The following C16orf96 variants were observed in gnomAD, a reference collection of about 807,000 sequenced individuals.
The protein encoded by C16orf96 is uncharacterized protein C16orf96.
C16orf96 carries 108 observed loss-of-function variants against 103.6 expected under a neutral mutation model. The observed-to-expected ratio is 1.04, with a 90% CI of 0.89 to 1.22. C16orf96 has a LOEUF of 1.22. C16orf96 is among the 50% of genes most tolerant of loss of function. The pLI is 0.00. For missense variants in C16orf96, 1,586 were observed against 1,464.2 expected (o/e 1.08, Z -1.36); for synonymous variants, 566 against 593.5 (o/e 0.95, Z 0.67).
chr16:4,598,356 A>G (rs1897216686), intron 14 of C16orf96, among the ~76,000 whole-genome samples: 1 of 74,772 alleles, frequency 1.3e-5, no homozygotes, highest in South Asian at 5.6e-4. Context: ...GTCTCAAACA[A>G]AAAAGAAAGA....
intron 7 of C16orf96, 25 bp downstream of exon 7, chr16:4,580,150 G>A (rs753090799): frequency 6.8e-7 from 1 of 1,462,512 alleles, no homozygotes; most frequent in South Asian, 1.4e-5. Context: ...GTAGGCTGGA[G>A]AAGGGCTGGC....
At chr16:4,597,225 G>T (rs1329056238) in intron 14 of C16orf96, among the ~76,000 whole-genome samples, 1 of 152,150 alleles carries the variant, frequency 6.6e-6, no homozygotes, top group Admixed American at 6.5e-5. Flanking sequence ...TCTGCTGGGA[G>T]GGCTCAGGCT....
chr16:4,571,722 TG>T lies in C16orf96; in HGVS notation c.525+59del, dbSNP rs869175412. The T allele has an allele frequency of 1.7e-5, 23 of 1,363,650 alleles. No individual in the cohort carries two copies. The South Asian group carries it at 3.0e-4, about 18-fold the overall frequency. The allele number at this position is 1,363,650 out of a possible 1,614,324, so 84.5% of individuals were successfully genotyped here. A position where few individuals can be genotyped will look rare whatever the true frequency, so the allele number is the denominator to read the frequency against. On this transcript the variant is annotated intron_variant, in intron 2 of 15. Transcript: ENST00000444310. ...CTGCGTTGCTCAGGCCTCTGGGGGT[TG>T]GAGCAATGAGGAAAATCTAGGAAGC... is the stretch of plus-strand genomic sequence containing the variant.
intron 7 of C16orf96, among the ~76,000 whole-genome samples, chr16:4,583,521 C>T (rs1896842738): frequency 6.6e-6 from 1 of 151,456 alleles, no homozygotes; most frequent in Admixed American, 6.6e-5. Context: ...CTAAAGTAAA[C>T]TAAAATACAG....
At chr16:4,584,748 G>A (rs1896878415) in intron 7 of C16orf96, among the ~76,000 whole-genome samples, 1 of 152,054 alleles carries the variant, frequency 6.6e-6, no homozygotes, top group Non-Finnish European at 1.5e-5. Context: ...TGGCCAGGCT[G>A]GTCTTGAACT....
chr16:4,597,255 G>T (rs555310191), intron 14 of C16orf96, among the ~76,000 whole-genome samples: 41 of 152,166 alleles, frequency 2.7e-4, no homozygotes, highest in Non-Finnish European at 5.9e-4. Flanking sequence ...GGATCACCAG[G>T]CAGGATCACA....
upstream of C16orf96, among the ~76,000 whole-genome samples, chr16:4,556,255 G>T (rs892111953): frequency 6.6e-6 from 1 of 152,104 alleles, no homozygotes; most frequent in Admixed American, 6.6e-5. Context: ...GGGAGCACCT[G>T]CCCCACTCCA....
intron 1 of C16orf96, among the ~76,000 whole-genome samples, chr16:4,566,388 A>G (rs1360200834): frequency 6.6e-6 from 1 of 152,176 alleles, no homozygotes; most frequent in African/African-American, 2.4e-5. Flanking sequence ...TTGAAGTGGT[A>G]TCTCATTGTA....
At chr16:4,552,533 T>C (rs895591779), upstream of C16orf96, among the ~76,000 whole-genome samples, 1 of 151,796 alleles carries the variant, frequency 6.6e-6, no homozygotes, top group African/African-American at 2.4e-5. Flanking sequence ...CATCCCACTA[T>C]TACATGTAGT....
chr16:4,549,448 G>C, the C16orf96 span, among the ~76,000 whole-genome samples: 9 of 149,732 alleles, frequency 6.0e-5, no homozygotes, highest in Non-Finnish European at 8.9e-5. Flanking sequence ...ACTCCAGCCT[G>C]GGCGACAGAG....
upstream of C16orf96, among the ~76,000 whole-genome samples, chr16:4,555,656 C>T (rs1364979599): frequency 6.6e-6 from 1 of 151,680 alleles, no homozygotes; most frequent in Admixed American, 6.6e-5. Flanking sequence ...CATATGTCAG[C>T]CACTGTGCCC....
chr16:4,549,521 G>A, the C16orf96 span, among the ~76,000 whole-genome samples: 1 of 151,184 alleles, frequency 6.6e-6, no homozygotes, highest in South Asian at 2.1e-4. Context: ...TGGGCACAGT[G>A]GCTCACACCC....
upstream of C16orf96, among the ~76,000 whole-genome samples, chr16:4,552,814 G>T (rs144575262): frequency 6.6e-6 from 1 of 152,138 alleles, no homozygotes; most frequent in South Asian, 2.1e-4. Flanking sequence ...TCATATGCTT[G>T]CCAATGCTTG....
chr16:4,561,817 C>T (rs1329173183), intron 1 of C16orf96, among the ~76,000 whole-genome samples: 1 of 152,162 alleles, frequency 6.6e-6, no homozygotes, highest in Non-Finnish European at 1.5e-5. Flanking sequence ...CGGGGGGTCG[C>T]CTGGCAAACA....
intron 3 of C16orf96, 76 bp from the exon 4 acceptor site, chr16:4,574,896 A>G: frequency 1.3e-6 from 2 of 1,527,006 alleles, no homozygotes; most frequent in Non-Finnish European, 8.9e-7. Flanking sequence ...CACAGCCTGG[A>G]AAGGTTTCTT....
chr16:4,596,175 T>G (rs2141766793), intron 14 of C16orf96, among the ~76,000 whole-genome samples: 1 of 152,174 alleles, frequency 6.6e-6, no homozygotes, highest in East Asian at 1.9e-4. Context: ...GTTCCTTCAT[T>G]CCCCGGCCCA....
the C16orf96 span, among the ~76,000 whole-genome samples, chr16:4,549,410 T>G: frequency 6.9e-6 from 1 of 145,834 alleles, no homozygotes; most frequent in Non-Finnish European, 1.5e-5. Flanking sequence ...GAGGCGGAGC[T>G]CGCAGTGAGC....
chr16:4,586,597 G>A (rs1478531390), intron 7 of C16orf96, among the ~76,000 whole-genome samples: 5 of 152,210 alleles, frequency 3.3e-5, no homozygotes, highest in African/African-American at 1.2e-4. Context: ...TTGTGGAGTT[G>A]TGGGGATAGG....
intron 1 of C16orf96, among the ~76,000 whole-genome samples, chr16:4,568,712 T>C (rs1220754469): frequency 1.4e-5 from 2 of 146,418 alleles, no homozygotes; most frequent in Non-Finnish European, 1.5e-5. Flanking sequence ...CACTTCAGCC[T>C]CAACCTCCTG....
Sources: allele counts gnomAD v4.1 joint callset (sites outside exome capture counted in the v4.1 genomes callset), GRCh38; gene constraint gnomAD v4.1.1; transcripts MANE v1.5; gene names NCBI Gene and HGNC (gene_info 2026-07-23, HGNC 2026-07-21).